CEP112: variants seen among roughly 807,000 people sequenced by gnomAD.
CEP112 encodes centrosomal protein of 112 kDa.
CEP112 carries 127 observed loss-of-function variants against 153.0 expected under a neutral mutation model. The ratio of observed to expected loss-of-function variants is 0.83; its 90% CI spans 0.72 to 0.96. The LOEUF is 0.96. Ranked by LOEUF, CEP112 falls within the 40% of genes least tolerant of loss-of-function variation. CEP112 has a pLI of 0.00. For synonymous variants in CEP112, 358 were observed against 374.4 expected (o/e 0.96, Z 0.51); for missense variants, 1,089 against 1,101.2 (o/e 0.99, Z 0.16).
chr17:65,769,414 A>G (rs1412448583), intron 21 of CEP112, among the ~76,000 whole-genome samples: 2 of 152,096 alleles, frequency 1.3e-5, no homozygotes, highest in Non-Finnish European at 2.9e-5. Context: ...AAATAGAAAA[A>G]AAAACCTAAA....
intron 6 of CEP112, among the ~76,000 whole-genome samples, chr17:66,125,377 A>G (rs1470271281): frequency 5.3e-5 from 8 of 152,286 alleles, no homozygotes; most frequent in South Asian, 2.1e-4. Context: ...GACAGGAGTC[A>G]GGCATGGTGG....
intron 4 of CEP112, among the ~76,000 whole-genome samples, chr17:66,152,513 TG>T (rs1250346175): frequency 5.9e-5 from 9 of 152,188 alleles, no homozygotes; most frequent in Non-Finnish European, 1.0e-4. Flanking sequence ...CCTCTCTAGA[TG>T]GCAAAATATC....
intron 1 of CEP112, among the ~76,000 whole-genome samples, chr17:66,183,741 ATG>A: frequency 6.6e-6 from 1 of 152,258 alleles, no homozygotes; most frequent in East Asian, 1.9e-4. Context: ...ATTACAACAA[ATG>A]ATGTCATAAC....
At chr17:66,171,507 G>GATTAGCAGATACTAACTTTTTC (rs1458608638) in intron 4 of CEP112, among the ~76,000 whole-genome samples, 5 of 152,070 alleles carry the variant, frequency 3.3e-5, no homozygotes, top group African/African-American at 1.2e-4. Flanking sequence ...ATTAAGTCAA[G>GATTAGCAGATACTAACTTTTTC]ATTAGCAGAT....
intron 18 of CEP112, among the ~76,000 whole-genome samples, chr17:65,933,877 C>T (rs1480199536): frequency 6.6e-6 from 1 of 152,104 alleles, no homozygotes; most frequent in Non-Finnish European, 1.5e-5. Flanking sequence ...CTTTTAAAAG[C>T]AACTATAACT....
At chr17:65,886,341 A>G (rs2059276913) in intron 20 of CEP112, among the ~76,000 whole-genome samples, 1 of 152,214 alleles carries the variant, frequency 6.6e-6, no homozygotes, top group African/African-American at 2.4e-5. Flanking sequence ...CTTGCCAGAG[A>G]GGTGAAGCAG....
intron 11 of CEP112, among the ~76,000 whole-genome samples, chr17:66,062,301 T>A (rs1246203000): frequency 6.6e-6 from 1 of 152,030 alleles, no homozygotes; most frequent in Non-Finnish European, 1.5e-5. Context: ...AAATGGACAA[T>A]AATATAGGAG....
At position 66,029,317 on chromosome 17, in the gene CEP112, T is replaced by TAATCA. The variant is rs1555775115; in HGVS notation, c.1374-66_1374-65insTGATT. 5.3e-4 allele frequency: 710 copies of TAATCA among 1,333,016 alleles called. 5 individuals carry two copies. In the African/African-American group the frequency reaches 9.5e-3, roughly 18 times the overall value. The allele number at this position is 1,333,016 out of a possible 1,614,324, so 82.6% of individuals were successfully genotyped here. On this transcript the variant is annotated intron_variant, in intron 13 of 26. Coordinates refer to ENST00000535342, the MANE Select transcript of CEP112 (RefSeq NM_001199165.4). ...AAACCAATCTCTAAAATGAAATTTT[T>TAATCA]TAATCAGCTAAATCCAAATACATTT...
chr17:65,639,131 G>A (rs2044953968), intron 25 of CEP112, among the ~76,000 whole-genome samples: 2 of 152,040 alleles, frequency 1.3e-5, no homozygotes, highest in Admixed American at 1.3e-4. Context: ...GCAAACAGTA[G>A]CATATGGATT....
intron 23 of CEP112, among the ~76,000 whole-genome samples, chr17:65,729,021 G>A (rs1417439996): frequency 2.0e-5 from 3 of 151,928 alleles, no homozygotes; most frequent in African/African-American, 7.2e-5. Flanking sequence ...TAATAACATA[G>A]CTTAAAACAG....
intron 6 of CEP112, among the ~76,000 whole-genome samples, chr17:66,098,842 G>A (rs888871409): frequency 2.0e-5 from 3 of 152,216 alleles, no homozygotes; most frequent in African/African-American, 4.8e-5. Flanking sequence ...ACATGTAGGT[G>A]GCCAAATAAA....
At chr17:66,016,113 G>C (rs1452064507) in intron 16 of CEP112, among the ~76,000 whole-genome samples, 2 of 152,004 alleles carry the variant, frequency 1.3e-5, no homozygotes, top group Non-Finnish European at 2.9e-5. Flanking sequence ...TTTCCTTATG[G>C]TGTCTGTTCC....
chr17:65,639,836 C>CTTTTTTTTTT (rs554226605), intron 25 of CEP112, among the ~76,000 whole-genome samples: 3 of 110,966 alleles, frequency 2.7e-5, no homozygotes, highest in African/African-American at 6.9e-5. Flanking sequence ...CTCTTTCTTT[C>CTTTTTTTTTT]TTTTTTTTTT....
At chr17:65,676,388 G>A (rs993000259) in intron 24 of CEP112, among the ~76,000 whole-genome samples, 3 of 150,720 alleles carry the variant, frequency 2.0e-5, no homozygotes, top group African/African-American at 7.3e-5. Flanking sequence ...AAATAAATAG[G>A]AGCAAATCCT....
chr17:66,078,961 T>C (rs529231297), intron 8 of CEP112, among the ~76,000 whole-genome samples: 25 of 152,302 alleles, frequency 1.6e-4, no homozygotes, highest in African/African-American at 6.0e-4. Flanking sequence ...CCCCAATCCC[T>C]TCTAGCTTGT....
chr17:66,027,228 T>C (rs2065250951), intron 16 of CEP112, among the ~76,000 whole-genome samples: 1 of 151,918 alleles, frequency 6.6e-6, no homozygotes, highest in Admixed American at 6.6e-5. Context: ...AATGCAAAAA[T>C]TGGCTAGGCA....
At chr17:66,166,101 T>C (rs1395019843) in intron 4 of CEP112, among the ~76,000 whole-genome samples, 1 of 152,162 alleles carries the variant, frequency 6.6e-6, no homozygotes, top group Non-Finnish European at 1.5e-5. Context: ...TTATATAAAA[T>C]TAGCCTAAAT....
chr17:65,870,417 T>C (rs1165087546), intron 20 of CEP112, among the ~76,000 whole-genome samples: 1 of 152,202 alleles, frequency 6.6e-6, no homozygotes, highest in African/African-American at 2.4e-5. Flanking sequence ...TTGATCTATT[T>C]TGGAAAATTG....
At chr17:65,861,502 T>C (rs2058307765) in intron 20 of CEP112, among the ~76,000 whole-genome samples, 1 of 152,132 alleles carries the variant, frequency 6.6e-6, no homozygotes, top group Non-Finnish European at 1.5e-5. Flanking sequence ...CTGCAACATA[T>C]GTAACTTACA....
Sources: allele counts gnomAD v4.1 joint callset (sites outside exome capture counted in the v4.1 genomes callset), GRCh38; gene constraint gnomAD v4.1.1; transcripts MANE v1.5; gene names NCBI Gene and HGNC (gene_info 2026-07-23, HGNC 2026-07-21).